ACYP2: variants seen among roughly 807,000 people sequenced by gnomAD.
ACYP2 encodes the protein acylphosphatase 2.
A neutral mutation model predicts 11.2 loss-of-function variants in ACYP2; 12 were observed. That is an observed-to-expected ratio of 1.08 (90% CI 0.69 to 1.74). ACYP2 has a LOEUF of 1.74. Ranked by LOEUF, ACYP2 falls within the 40% of genes most tolerant of loss-of-function variation. The pLI, the probability that ACYP2 is intolerant of heterozygous loss-of-function variation, is 0.00. For synonymous variants in ACYP2, 43 were observed against 32.2 expected (o/e 1.33, Z -1.13); for missense variants, 134 against 101.9 (o/e 1.31, Z -1.35).
chr2:53,975,114 A>C (rs1213125780), intron 2 of ACYP2: 2 of 386,154 alleles, frequency 5.2e-6, no homozygotes, highest in Non-Finnish European at 4.6e-6. Flanking sequence ...AGTCCCAGCA[A>C]CTCAGGAGGC....
intron 6 of ACYP2, among the ~76,000 whole-genome samples, chr2:54,206,183 T>C (rs1182608184): frequency 6.6e-6 from 1 of 152,234 alleles, no homozygotes; most frequent in Non-Finnish European, 1.5e-5. Context: ...TTTTTGTTAA[T>C]TCCCCTGTCC....
intron 6 of ACYP2, among the ~76,000 whole-genome samples, chr2:54,292,560 G>C (rs1689353498): frequency 6.6e-6 from 1 of 151,892 alleles, no homozygotes; most frequent in African/African-American, 2.4e-5. Context: ...TTACAGATGA[G>C]GCTTGCATTA....
At chr2:54,278,297 A>G (rs1227939636) in intron 6 of ACYP2, among the ~76,000 whole-genome samples, 1 of 152,180 alleles carries the variant, frequency 6.6e-6, no homozygotes, top group Non-Finnish European at 1.5e-5. Flanking sequence ...TCTTTCAATA[A>G]ACAATGCCAG....
chr2:54,180,286 C>T (rs1683649877), intron 6 of ACYP2, among the ~76,000 whole-genome samples: 1 of 151,944 alleles, frequency 6.6e-6, no homozygotes, highest in Non-Finnish European at 1.5e-5. Flanking sequence ...CATTCAGTAG[C>T]CATGATTGAT....
intron 2 of ACYP2, among the ~76,000 whole-genome samples, chr2:54,028,310 G>C (rs756359683): frequency 1.3e-5 from 2 of 152,150 alleles, no homozygotes; most frequent in African/African-American, 2.4e-5. Flanking sequence ...GGGTTTATGG[G>C]TTAAGGGGAC....
At chr2:53,993,202 A>G (rs1672391182) in intron 2 of ACYP2, among the ~76,000 whole-genome samples, 2 of 152,086 alleles carry the variant, frequency 1.3e-5, no homozygotes, top group South Asian at 4.2e-4. Context: ...GTTGACAAGA[A>G]AAGGTTTTTG....
Position 54,216,280 on chromosome 2 carries a change from C to A in ACYP2, c.404+77532C>A, listed in dbSNP as rs921701900. ...TTGATTATCGAGGGTTTATAATATGCTTCAGTTGATGTCTGGTTGAGCAAA... is the reference window on the plus strand; with the variant it reads ...TTGATTATCGAGGGTTTATAATATGATTCAGTTGATGTCTGGTTGAGCAAA... On this transcript the variant is annotated intron_variant, in intron 6 of 6. Coordinates refer to ENST00000607452, the MANE Select transcript of ACYP2 (RefSeq NM_001320586.2). Among the ~76,000 whole-genome samples the A allele has an allele frequency of 3.9e-5, 6 of 152,088 alleles. No homozygotes were observed. The South Asian group carries it at 1.0e-3, about 26-fold the overall frequency.
intron 6 of ACYP2, among the ~76,000 whole-genome samples, chr2:54,236,940 A>G (rs1206458111): frequency 1.3e-5 from 2 of 152,212 alleles, no homozygotes; most frequent in Admixed American, 6.5e-5. Flanking sequence ...CATAGGTTCC[A>G]TATCTGTGGA....
At chr2:54,197,546 T>C (rs1011340815) in intron 6 of ACYP2, among the ~76,000 whole-genome samples, 1 of 151,750 alleles carries the variant, frequency 6.6e-6, no homozygotes, top group African/African-American at 2.4e-5. Context: ...AGAACGAAGG[T>C]TGTGTGACAG....
chr2:53,975,907 A>G (rs1267664377), intron 2 of ACYP2, among the ~76,000 whole-genome samples: 2 of 152,210 alleles, frequency 1.3e-5, no homozygotes, highest in Non-Finnish European at 2.9e-5. Context: ...TCAGACCCTC[A>G]AGGAAACAGA....
At chr2:54,266,588 A>ATT (rs1558655792) in intron 6 of ACYP2, among the ~76,000 whole-genome samples, 3 of 91,134 alleles carry the variant, frequency 3.3e-5, no homozygotes, top group African/African-American at 1.3e-4. Flanking sequence ...ATATCTATCT[A>ATT]TCTTTTTTTT....
chr2:53,971,679 A>T (rs1176806011), intron 1 of ACYP2, among the ~76,000 whole-genome samples: 1 of 152,234 alleles, frequency 6.6e-6, no homozygotes, highest in African/African-American at 2.4e-5. Context: ...ATTGCTAGAT[A>T]AGTACAAGAA....
chr2:54,187,301 C>T (rs1468510945), intron 6 of ACYP2, among the ~76,000 whole-genome samples: 1 of 152,168 alleles, frequency 6.6e-6, no homozygotes, highest in Admixed American at 6.5e-5. Context: ...TCAGGGATGT[C>T]ATTGGCGTGA....
intron 2 of ACYP2, among the ~76,000 whole-genome samples, chr2:53,990,098 C>G (rs1398043399): frequency 1.3e-5 from 2 of 151,610 alleles, no homozygotes; most frequent in East Asian, 1.9e-4. Context: ...CCTGCCTCAG[C>G]CTCCGGAGTA....
intron 6 of ACYP2, among the ~76,000 whole-genome samples, chr2:54,266,590 CTTTTTTTTTTTTTTT>C (rs138812389): frequency 2.0e-3 from 106 of 52,270 alleles, no homozygotes; most frequent in Admixed American, 3.7e-3. Flanking sequence ...ATCTATCTAT[CTTTTTTTTTTTTTTT>C]TTTTTTTTTT....
At chr2:53,978,098 C>A (rs1403718097) in intron 2 of ACYP2, among the ~76,000 whole-genome samples, 1 of 151,634 alleles carries the variant, frequency 6.6e-6, no homozygotes, top group Non-Finnish European at 1.5e-5. Flanking sequence ...CCCATCTCTA[C>A]TAAAAATACA....
intron 6 of ACYP2, among the ~76,000 whole-genome samples, chr2:54,197,439 C>G (rs2103899237): frequency 6.6e-6 from 1 of 152,278 alleles, no homozygotes; most frequent in East Asian, 1.9e-4. Flanking sequence ...GCAGTATACA[C>G]AAAGATCCAG....
chr2:54,229,632 A>C (rs1286256615), intron 6 of ACYP2, among the ~76,000 whole-genome samples: 1 of 152,104 alleles, frequency 6.6e-6, no homozygotes, highest in African/African-American at 2.4e-5. Context: ...AAAAACAAAA[A>C]CATTTTATTT....
chr2:54,076,176 T>TA (rs1677331213), intron 4 of ACYP2, among the ~76,000 whole-genome samples: 1 of 152,162 alleles, frequency 6.6e-6, no homozygotes, highest in South Asian at 2.1e-4. Flanking sequence ...TATGTAAGTG[T>TA]AAAGAAAGTA....
Sources: gnomAD v4.1 joint callset for allele counts (sites outside exome capture counted in the v4.1 genomes callset) on GRCh38, gnomAD v4.1.1 for gene constraint, MANE v1.5 for transcripts, NCBI Gene and HGNC (gene_info 2026-07-23, HGNC 2026-07-21) for gene names.